Variants in ZC3H3 observed in about 807,000 individuals in gnomAD.
ZC3H3 encodes the protein zinc finger CCCH-type containing 3.
Under a neutral mutation model 77.3 loss-of-function variants are expected in ZC3H3, and 36 were observed. The observed-to-expected ratio is 0.47, with a 90% CI of 0.36 to 0.61. The LOEUF (loss-of-function observed/expected upper bound fraction) is 0.61, where lower values mean the gene tolerates loss of function less well. Among genes scored for constraint, ZC3H3 ranks in the 20% least tolerant of loss-of-function variants. The pLI, the probability that ZC3H3 is intolerant of heterozygous loss-of-function variation, is 0.00. For missense variants in ZC3H3, 1,331 were observed against 1,312.2 expected, an observed-to-expected ratio of 1.01 and a Z score of -0.22; for synonymous variants, 626 against 555.2, an observed-to-expected ratio of 1.13 and a Z score of -1.79.
chr8:143,483,799 C>T (rs11785340), intron 4 of ZC3H3, among the ~76,000 whole-genome samples: 6,858 of 152,294 alleles, frequency 0.045, 214 homozygotes, highest in Non-Finnish European at 0.071. Flanking sequence ...ATACCCAGAC[C>T]GTGGGGCCCT....
intron 4 of ZC3H3, among the ~76,000 whole-genome samples, chr8:143,507,202 T>C (rs1365636009): frequency 1.3e-5 from 2 of 152,154 alleles, no homozygotes; most frequent in Admixed American, 6.5e-5. Flanking sequence ...GGGCAAAAGC[T>C]GTTCCCTGCC....
At chr8:143,471,596 AGGATTCTGTGGGGAG>A (rs1820566231) in intron 5 of ZC3H3, among the ~76,000 whole-genome samples, 1 of 152,188 alleles carries the variant, frequency 6.6e-6, no homozygotes, top group Non-Finnish European at 1.5e-5. Flanking sequence ...GGGCCCACAC[AGGATTCTGTGGGGAG>A]GGACCCTGGA....
chr8:143,496,882 T>C (rs559418942), intron 4 of ZC3H3, among the ~76,000 whole-genome samples: 17 of 152,342 alleles, frequency 1.1e-4, no homozygotes, highest in African/African-American at 3.8e-4. Flanking sequence ...AGACATCAGA[T>C]AAGCCCAGTG....
intron 3 of ZC3H3, among the ~76,000 whole-genome samples, chr8:143,535,491 C>T (rs964652767): frequency 6.6e-6 from 1 of 152,214 alleles, no homozygotes; most frequent in Non-Finnish European, 1.5e-5. Context: ...TCGCACAGGA[C>T]CAGGTGCACA....
intron 2 of ZC3H3, among the ~76,000 whole-genome samples, chr8:143,537,129 T>C (rs117714976): frequency 0.012 from 1,871 of 152,218 alleles, 26 homozygotes; most frequent in Middle Eastern, 0.034. Flanking sequence ...GCCACCACCT[T>C]AGCTGCCAAC....
Position 143,465,823 on chromosome 8 carries a change from T to G in ZC3H3, c.2201A>C (p.Lys734Thr), listed in dbSNP as rs1451502611. The change falls in exon 9 of 12, where the codon AAG (lysine) becomes ACG (threonine). Residue 734 changes from lysine to threonine, a missense_variant. By Grantham distance (78) the Lys-to-Thr change is moderately conservative (BLOSUM62 -1). This residue lies in a region of ZC3H3 where 104 missense variants were observed against 159.7 expected (regional missense o/e 0.65). Transcript: ENST00000262577. ...ACAGTTGCTGTTGCTGCAGATGCCC[T>G]TCAGGAAGTAGGAGCACACCGGCAT... ...EKMPVCSYFL[K>T]GICSNSNCPY... 6.2e-7 allele frequency: 1 copy of G among 1,612,904 alleles called. No homozygotes were observed.
At chr8:143,477,916 G>T (rs1469319012) in intron 4 of ZC3H3, among the ~76,000 whole-genome samples, 1 of 152,254 alleles carries the variant, frequency 6.6e-6, no homozygotes, top group African/African-American at 2.4e-5. Context: ...TCCTCGCCCC[G>T]GAAAGGCTGC....
At position 143,437,662 on chromosome 8, in the gene ZC3H3, C is replaced by T. The variant is rs530505802; in HGVS notation, c.*394G>A. On this transcript the variant is annotated 3_prime_UTR_variant, in exon 12 of 12. Transcript: ENST00000262577. ...ACAGTCAGGACAAGCCAACCAGTTA[C>T]GGATAGAACCTTTATTGCTGAACAT... is the stretch of plus-strand genomic sequence containing the variant. 5.8e-5 allele frequency: 16 copies of T among 277,464 alleles called. No homozygotes were observed. The highest frequency in any genetic ancestry group is 1.0e-4 in the Non-Finnish European group (14 of 140,624). 17.2% of individuals were successfully genotyped at this position (277,464 alleles called of 1,614,324 possible).
In ZC3H3 at chr8:143,501,860, CAGA is replaced by C. The variant is rs201148706; in HGVS notation, c.1715+5883_1715+5885del. ...GACTGGCACACCCTTTGAGGCACAT[CAGA>C]AGATGGCGAGAACCCTGCTGTGGAC... On this transcript the variant is annotated intron_variant, in intron 4 of 11. Coordinates refer to ENST00000262577, the MANE Select transcript of ZC3H3 (RefSeq NM_015117.3). 4.4e-4 allele frequency among the ~76,000 whole-genome samples: 67 copies of C among 152,370 alleles called. 1 individual carries two copies. Among genetic ancestry groups the C allele is most frequent in the African/African-American group, 1.5e-3 (64 of 41,584 alleles).
chr8:143,530,747 A>G lies in ZC3H3; in HGVS notation c.1561+5510T>C, dbSNP rs1822575703. Among the ~76,000 whole-genome samples, 1 of 152,112 alleles carries G rather than the reference A, an allele frequency of 6.6e-6. No homozygotes were observed. Among genetic ancestry groups the G allele is most frequent in the African/African-American group, 2.4e-5 (1 of 41,402 alleles). On this transcript the variant is annotated intron_variant, in intron 3 of 11. Transcript: ENST00000262577. The surrounding 1 kb of genome is among the most constrained non-coding windows in gnomAD (Gnocchi z 4.3). The stretch of plus-strand genomic sequence containing the variant: ...GTGCTCAGCCGTGTGTACTGTAAAC[A>G]CTGTACTCGAGAACACTGATTGCCA...
Position 143,475,593 on chromosome 8 carries a change from G to T in ZC3H3, c.1716-8C>A. On this transcript the variant is annotated splice_region_variant and splice_polypyrimidine_tract_variant and intron_variant, in intron 4 of 11. Transcript: ENST00000262577. ...CGGTTCAGCACCAGGGACCTGCAGA[G>T]ACAGGAAATGCCCGTCAAACCTGGC... The T allele has an allele frequency of 6.3e-7, 1 of 1,582,574 alleles. No homozygotes were observed. The highest frequency in any genetic ancestry group is 8.6e-7 in the Non-Finnish European group (1 of 1,164,430).
chr8:143,492,597 AGGGCCTCACCTC>A (rs761190142), intron 4 of ZC3H3, among the ~76,000 whole-genome samples: 163 of 152,312 alleles, frequency 1.1e-3, no homozygotes, highest in Non-Finnish European at 1.8e-3. Flanking sequence ...GGGCCCGGGG[AGGGCCTCACCTC>A]GCACCCACAC....
intron 3 of ZC3H3, among the ~76,000 whole-genome samples, chr8:143,512,760 C>T (rs1371895318): frequency 2.0e-5 from 3 of 152,254 alleles, no homozygotes; most frequent in African/African-American, 7.2e-5. Flanking sequence ...CCTTCAGCCC[C>T]ACAGCCGCAA....
chr8:143,454,928 C>A (rs1291816212), intron 9 of ZC3H3, among the ~76,000 whole-genome samples: 1 of 152,032 alleles, frequency 6.6e-6, no homozygotes, highest in Non-Finnish European at 1.5e-5. Flanking sequence ...AAAAAATGGC[C>A]CCAAAGTGCA....
In ZC3H3 at chr8:143,494,573, G is replaced by A. The variant is rs766814136; in HGVS notation, c.1715+13173C>T. Among the ~76,000 whole-genome samples, 2 of 152,146 alleles carry A rather than the reference G, an allele frequency of 1.3e-5. No homozygotes were observed. The highest frequency in any genetic ancestry group is 2.9e-5 in the Non-Finnish European group (2 of 68,026). On this transcript the variant is annotated intron_variant, in intron 4 of 11. Transcript: ENST00000262577. The surrounding 1 kb of genome is among the most constrained non-coding windows in gnomAD (Gnocchi z 5.3). ...CAGCGGCGCCGGCAGAACCCAGAGC[G>A]AGGGCCAGCCGGGAAGGAGGGCCGG...
At chr8:143,448,592 C>T (rs144234131) in intron 9 of ZC3H3, among the ~76,000 whole-genome samples, 2,252 of 152,374 alleles carry the variant, frequency 0.015, 46 homozygotes, top group African/African-American at 0.047. Context: ...CAGCCAGCTC[C>T]GCCGCCATGG....
intron 3 of ZC3H3, among the ~76,000 whole-genome samples, chr8:143,516,579 A>ACACACACTCT (rs1554645654): frequency 1.4e-5 from 2 of 145,686 alleles, no homozygotes; most frequent in African/African-American, 5.2e-5. Context: ...ACACACACAC[A>ACACACACTCT]CTCACTCTCA....
At chr8:143,509,264 A>C (rs544352449) in intron 3 of ZC3H3, among the ~76,000 whole-genome samples, 4 of 152,368 alleles carry the variant, frequency 2.6e-5, no homozygotes, top group Admixed American at 2.0e-4. Flanking sequence ...ACCAGCAAAA[A>C]AATCAATAAT....
chr8:143,539,041 T>C lies in ZC3H3; in HGVS notation c.326A>G (p.His109Arg). ...GAGCTGGACCTGTCTCTCAAGGACA[T>C]GCTGCTGCGGGACAGGAGGCTGGCC... ...RGGQPPVPQQ[H>R]VLERQVQLSQ... The change falls in exon 2 of 12, where the codon CAT (histidine) becomes CGT (arginine). Residue 109 changes from histidine to arginine, a missense_variant. His to Arg is a conservative substitution (Grantham distance 29, BLOSUM62 0). Transcript: ENST00000262577. 5 of 1,613,010 alleles carry C rather than the reference T, an allele frequency of 3.1e-6. No homozygotes were observed. The South Asian group carries it at 4.4e-5, about 14-fold the overall frequency.
Sources: allele counts gnomAD v4.1 joint callset (sites outside exome capture counted in the v4.1 genomes callset), GRCh38; gene constraint gnomAD v4.1.1; regional missense constraint gnomAD v4.1.1; non-coding constraint Gnocchi (gnomAD v3.1); transcripts MANE v1.5; gene names NCBI Gene and HGNC (gene_info 2026-07-23, HGNC 2026-07-21).